Variants in MIPEP observed in about 807,000 individuals in gnomAD.
MIPEP encodes the protein mitochondrial intermediate peptidase.
MIPEP carries 79 observed loss-of-function variants against 90.3 expected under a neutral mutation model. The observed-to-expected ratio is 0.87, with a 90% confidence interval of 0.73 to 1.05. The LOEUF is 1.05. Among genes scored for constraint, MIPEP ranks in the 50% least tolerant of loss-of-function variants. MIPEP has a pLI of 0.00. For missense variants in MIPEP, 940 were observed against 905.6 expected (o/e 1.04, Z -0.49); for synonymous variants, 334 against 315.8 (o/e 1.06, Z -0.61).
intron 14 of MIPEP, among the ~76,000 whole-genome samples, chr13:23,831,425 G>A (rs182475590): frequency 6.9e-6 from 1 of 145,584 alleles, no homozygotes; most frequent in Admixed American, 6.9e-5. Flanking sequence ...TGCATTTTGT[G>A]TTGCTATAAC....
At chr13:23,767,898 A>G (rs1165933990) in intron 16 of MIPEP, among the ~76,000 whole-genome samples, 1 of 152,122 alleles carries the variant, frequency 6.6e-6, no homozygotes, top group African/African-American at 2.4e-5. Context: ...CCTTTTAGAA[A>G]CAGAATAATA....
chr13:23,842,447 A>G (rs958565819), intron 10 of MIPEP: 28 of 152,304 alleles, frequency 1.8e-4, no homozygotes, highest in Non-Finnish European at 3.4e-4. Context: ...ACAAATTTAC[A>G]CCTTAATTTC....
intron 16 of MIPEP, among the ~76,000 whole-genome samples, chr13:23,772,157 T>C (rs1193260642): frequency 1.3e-5 from 2 of 152,206 alleles, no homozygotes; most frequent in African/African-American, 2.4e-5. Flanking sequence ...TTACCACCTG[T>C]ATTTTGTTCA....
At chr13:23,845,755 C>T (rs1869508868) in intron 10 of MIPEP, among the ~76,000 whole-genome samples, 1 of 152,192 alleles carries the variant, frequency 6.6e-6, no homozygotes, top group Non-Finnish European at 1.5e-5. Flanking sequence ...ATACCTAGTG[C>T]TCTCACTCTC....
rs951301487 is a variant in MIPEP at position 23,842,128 on chromosome 13, T to C, written c.1107-640A>G. The C allele has an allele frequency of 5.3e-5, 8 of 152,180 alleles. No homozygotes were observed. In the East Asian group the frequency reaches 1.5e-3, roughly 29 times the overall value. The allele number at this position is 152,180 out of a possible 1,614,324, so 9.4% of individuals were successfully genotyped here. ...AATATAAACCAAAGCAAATCCAAAA[T>C]ACGTGATTTGAATGTTTACATTTGA... On this transcript the variant is annotated intron_variant, in intron 10 of 18. Coordinates refer to ENST00000382172, the MANE Select transcript of MIPEP (RefSeq NM_005932.4).
intron 10 of MIPEP, among the ~76,000 whole-genome samples, chr13:23,854,645 A>G (rs1469410457): frequency 1.3e-5 from 2 of 152,098 alleles, no homozygotes; most frequent in African/African-American, 4.8e-5. Flanking sequence ...TAATCCCAGC[A>G]CTTTGGGAGG....
At chr13:23,867,608 T>C (rs1254767119) in intron 7 of MIPEP, among the ~76,000 whole-genome samples, 3 of 152,236 alleles carry the variant, frequency 2.0e-5, no homozygotes, top group Admixed American at 1.3e-4. Context: ...ATAGGAATTT[T>C]CTTCTGCTTT....
At chr13:23,815,322 TTG>T (rs869054793) in intron 14 of MIPEP, among the ~76,000 whole-genome samples, 1,304 of 9,532 alleles carry the variant, frequency 0.14, 14 homozygotes, top group African/African-American at 0.19. Flanking sequence ...TCCTGATTTT[TTG>T]TTTTTTTTTG....
chr13:23,796,537 A>G (rs1438605897), intron 16 of MIPEP, among the ~76,000 whole-genome samples: 1 of 151,800 alleles, frequency 6.6e-6, no homozygotes, highest in Admixed American at 6.6e-5. Context: ...TAACAATGCC[A>G]TTTTCTCATG....
intron 17 of MIPEP, among the ~76,000 whole-genome samples, chr13:23,757,400 G>T (rs1212143315): frequency 6.6e-6 from 1 of 152,174 alleles, no homozygotes; most frequent in Non-Finnish European, 1.5e-5. Context: ...CCCAGTACCA[G>T]TCTGTGGCCT....
chr13:23,785,233 C>G (rs55659113), intron 16 of MIPEP, among the ~76,000 whole-genome samples: 74,651 of 151,888 alleles, frequency 0.49, 19,419 homozygotes, highest in South Asian at 0.65. Flanking sequence ...AGACTTGGAA[C>G]CAACCCAAAT....
chr13:23,766,202 T>C (rs1952590233), intron 16 of MIPEP: 1 of 152,244 alleles, frequency 6.6e-6, no homozygotes, highest in Non-Finnish European at 1.5e-5. Flanking sequence ...TGATAGATGA[T>C]GTAAGGTTTC....
At chr13:23,832,176 G>C in intron 14 of MIPEP, among the ~76,000 whole-genome samples, 1 of 152,214 alleles carries the variant, frequency 6.6e-6, no homozygotes, top group Non-Finnish European at 1.5e-5. Context: ...ATTATCATGG[G>C]AGTGGGACTG....
chr13:23,760,657 T>G (rs564658905), intron 16 of MIPEP: 6 of 483,270 alleles, frequency 1.2e-5, no homozygotes, highest in South Asian at 9.2e-5. Flanking sequence ...ACTTCCAGCC[T>G]CCAAAACAGT....
chr13:23,862,305 A>C lies in MIPEP; in HGVS notation c.1050T>G (p.Asn350Lys). 6.5e-7 allele frequency: 1 copy of C among 1,547,132 alleles called. No individual in the cohort carries two copies. The highest frequency in any genetic ancestry group is 1.2e-5 in the South Asian group (1 of 86,416). The change falls in exon 9 of 19, where the codon AAT (asparagine) becomes AAG (lysine). Residue 350 changes from asparagine (N) to lysine (K), a missense_variant. Asn to Lys is a moderately conservative substitution (Grantham distance 94, BLOSUM62 0). Coordinates refer to ENST00000382172, the MANE Select transcript of MIPEP (RefSeq NM_005932.4). The part of the protein sequence containing the change: ...RGMKMKLNPQ[N>K]SEVMPWDPPY... ...AAAAATATTCCAACATACTTACGGA[A>C]TTTTGAGGATTCAGTTTCATTTTCA...
intron 16 of MIPEP, among the ~76,000 whole-genome samples, chr13:23,796,785 C>G (rs144164628): frequency 6.6e-6 from 1 of 152,320 alleles, no homozygotes; most frequent in Non-Finnish European, 1.5e-5. Context: ...CAAGCTGGTA[C>G]AGTGGTTACT....
At chr13:23,764,054 C>T (rs956907311) in intron 16 of MIPEP, among the ~76,000 whole-genome samples, 5 of 152,192 alleles carry the variant, frequency 3.3e-5, no homozygotes, top group Non-Finnish European at 5.9e-5. Context: ...TTGAAGTTTT[C>T]TTCTTCCTAA....
chr13:23,872,928 TACTTTTACTG>T (rs1870893896), intron 5 of MIPEP, among the ~76,000 whole-genome samples: 1 of 152,194 alleles, frequency 6.6e-6, no homozygotes. Flanking sequence ...ATTCACTCAA[TACTTTTACTG>T]AGTCCAAAAC....
In MIPEP at chr13:23,889,246, TCC is replaced by T; in HGVS notation, c.73_74del (p.Gly25LysfsTer45). 7.2e-7 allele frequency: 1 copy of T among 1,395,870 alleles called. No homozygotes were observed. The highest frequency in any genetic ancestry group is 9.3e-7 in the Non-Finnish European group (1 of 1,075,536). The allele number at this position is 1,395,870 out of a possible 1,614,324, so 86.5% of individuals were successfully genotyped here. On this transcript the variant is annotated frameshift_variant, in exon 1 of 19. Coordinates refer to ENST00000382172, the MANE Select transcript of MIPEP (RefSeq NM_005932.4). LOFTEE classifies it high-confidence loss of function. Reference sequence around the variant, plus strand: ...GGGCCCGGATCCCGGCTTCGAGGCTTCCCCGGCCCGCCCGGCGGGGCGGCAGA... The same window carrying T: ...GGGCCCGGATCCCGGCTTCGAGGCTTCCGGCCCGCCCGGCGGGGCGGCAGA... ...AALPPRRAGR[G>X]SLEAGIRARR...
Sources: gnomAD v4.1 joint callset for allele counts (sites outside exome capture counted in the v4.1 genomes callset) on GRCh38, gnomAD v4.1.1 for gene constraint, MANE v1.5 for transcripts, NCBI Gene and HGNC (gene_info 2026-07-23, HGNC 2026-07-21) for gene names.